RBFOX1: variants seen among roughly 807,000 people sequenced by gnomAD.
The protein encoded by RBFOX1 is RNA binding fox-1 homolog 1.
A neutral mutation model predicts 57.7 loss-of-function variants in RBFOX1; 8 were observed. The observed-to-expected ratio is 0.14, with a 90% CI of 0.08 to 0.25. The LOEUF (loss-of-function observed/expected upper bound fraction) is 0.25. Ranked by LOEUF, RBFOX1 falls within the 10% of genes least tolerant of loss-of-function variation. RBFOX1 has a pLI of 1.00. For missense variants in RBFOX1, 611 were observed against 548.5 expected, an observed-to-expected ratio of 1.11 and a Z score of -1.14; for synonymous variants, 326 against 222.4, an observed-to-expected ratio of 1.47 and a Z score of -4.15.
chr16:6,831,532 C>T (rs1031733213), intron 3 of RBFOX1, among the ~76,000 whole-genome samples: 1 of 152,122 alleles, frequency 6.6e-6, no homozygotes, highest in Non-Finnish European at 1.5e-5. Flanking sequence ...AGAGATTTCA[C>T]CTCTGAACAT....
chr16:5,415,317 C>G (rs563125002), intron 1 of RBFOX1, among the ~76,000 whole-genome samples: 22 of 152,272 alleles, frequency 1.4e-4, no homozygotes, highest in African/African-American at 5.3e-4. Flanking sequence ...TTTAAAACGA[C>G]CAGCTCTGGT....
At chr16:5,404,540 T>G (rs1596886052) in intron 1 of RBFOX1, among the ~76,000 whole-genome samples, 1 of 152,336 alleles carries the variant, frequency 6.6e-6, no homozygotes, top group East Asian at 1.9e-4. Context: ...GTAACTGGGC[T>G]GAGGACAGAG....
chr16:7,147,305 C>T (rs374133269), intron 4 of RBFOX1, among the ~76,000 whole-genome samples: 1 of 149,444 alleles, frequency 6.7e-6, no homozygotes, highest in East Asian at 2.0e-4. Flanking sequence ...ACACCTGGCC[C>T]TATTTTTAAT....
intron 4 of RBFOX1, among the ~76,000 whole-genome samples, chr16:7,166,231 C>G (rs1417430404): frequency 1.3e-5 from 2 of 151,660 alleles, no homozygotes; most frequent in East Asian, 2.0e-4. Context: ...CCAGGCTGGT[C>G]TCGAATTCCT....
intron 2 of RBFOX1, among the ~76,000 whole-genome samples, chr16:6,573,037 A>G (rs923211209): frequency 7.9e-5 from 12 of 152,140 alleles, no homozygotes; most frequent in African/African-American, 2.4e-4. Flanking sequence ...TCAACACTCA[A>G]TTCTCCTACA....
intron 3 of RBFOX1, among the ~76,000 whole-genome samples, chr16:6,723,226 C>T (rs886367747): frequency 6.6e-6 from 1 of 152,136 alleles, no homozygotes; most frequent in Non-Finnish European, 1.5e-5. Context: ...TTGTGGCTTT[C>T]CCACTAATAC....
intron 11 of RBFOX1, among the ~76,000 whole-genome samples, chr16:7,640,494 C>G (rs766756830): frequency 4.6e-5 from 7 of 152,220 alleles, no homozygotes; most frequent in Non-Finnish European, 1.0e-4. Flanking sequence ...CACAGAAATA[C>G]ATATGACAGA....
chr16:5,282,871 G>C (rs2063305876), intron 1 of RBFOX1, among the ~76,000 whole-genome samples: 1 of 152,200 alleles, frequency 6.6e-6, no homozygotes, highest in African/African-American at 2.4e-5. Flanking sequence ...TTTAAGTAAT[G>C]AGGAGCCAAG....
At chr16:5,333,367 G>A (rs1238552279) in intron 1 of RBFOX1, among the ~76,000 whole-genome samples, 1 of 152,162 alleles carries the variant, frequency 6.6e-6, no homozygotes, top group Non-Finnish European at 1.5e-5. Context: ...TTCTCTTTTG[G>A]GAGACAATGG....
At chr16:6,113,912 A>G (rs1473303131) in intron 1 of RBFOX1, among the ~76,000 whole-genome samples, 2 of 152,290 alleles carry the variant, frequency 1.3e-5, no homozygotes, top group Non-Finnish European at 1.5e-5. Flanking sequence ...TAATAATGAC[A>G]TTTCATTATT....
At chr16:5,306,138 C>G (rs1027802896) in intron 1 of RBFOX1, among the ~76,000 whole-genome samples, 2 of 152,126 alleles carry the variant, frequency 1.3e-5, no homozygotes, top group African/African-American at 4.8e-5. Flanking sequence ...GAGGTTGAGG[C>G]TGCGATGAGC....
At chr16:5,718,985 AC>A (rs1236426042) in intron 3 of RBFOX1, among the ~76,000 whole-genome samples, 2 of 151,506 alleles carry the variant, frequency 1.3e-5, no homozygotes, top group African/African-American at 4.9e-5. Flanking sequence ...AAAAAAAAAA[AC>A]AATATTCCCA....
intron 14 of RBFOX1, among the ~76,000 whole-genome samples, chr16:7,697,460 A>G (rs751851677): frequency 2.0e-5 from 3 of 152,112 alleles, no homozygotes; most frequent in Admixed American, 6.6e-5. Flanking sequence ...CCAAGGTGTA[A>G]TAGTAACTTA....
intron 3 of RBFOX1, among the ~76,000 whole-genome samples, chr16:5,654,862 C>G (rs2049374073): frequency 6.6e-6 from 1 of 152,082 alleles, no homozygotes; most frequent in Non-Finnish European, 1.5e-5. Context: ...TGTATTCCCC[C>G]CTTTATTTGT....
At chr16:5,950,134 G>A (rs1354460493) in intron 4 of RBFOX1, among the ~76,000 whole-genome samples, 1 of 152,184 alleles carries the variant, frequency 6.6e-6, no homozygotes, top group Non-Finnish European at 1.5e-5. Context: ...CCTGTAATTG[G>A]TAAGAATGAC....
At chr16:6,241,557 T>A (rs974800434) in intron 1 of RBFOX1, among the ~76,000 whole-genome samples, 1 of 152,174 alleles carries the variant, frequency 6.6e-6, no homozygotes, top group Non-Finnish European at 1.5e-5. Flanking sequence ...AGTTAGATGG[T>A]AAAGTCTACA....
At chr16:5,370,176 T>C (rs2065821369) in intron 1 of RBFOX1, among the ~76,000 whole-genome samples, 4 of 152,170 alleles carry the variant, frequency 2.6e-5, no homozygotes, top group South Asian at 2.1e-4. Flanking sequence ...CTGCCCACTC[T>C]GGAAACTTCT....
At chr16:7,659,830 A>G (rs994107431) in intron 12 of RBFOX1, among the ~76,000 whole-genome samples, 2 of 152,180 alleles carry the variant, frequency 1.3e-5, no homozygotes, top group Non-Finnish European at 2.9e-5. Context: ...TGGTCTTTAA[A>G]GCCTTTTTTT....
chr16:6,537,156 T>C (rs761752331), intron 2 of RBFOX1, among the ~76,000 whole-genome samples: 3 of 152,078 alleles, frequency 2.0e-5, no homozygotes, highest in Non-Finnish European at 2.9e-5. Flanking sequence ...TTTCCAGGAA[T>C]CTTCCTACAA....
Sources: gnomAD v4.1 joint callset for allele counts (sites outside exome capture counted in the v4.1 genomes callset) on GRCh38, gnomAD v4.1.1 for gene constraint, MANE v1.5 for transcripts, NCBI Gene and HGNC (gene_info 2026-07-23, HGNC 2026-07-21) for gene names.